SLCO2B1: variants seen among roughly 807,000 people sequenced by gnomAD.
SLCO2B1 encodes solute carrier organic anion transporter family member 2B1, also known as OATP-RP2.
A neutral mutation model predicts 67.3 loss-of-function variants in SLCO2B1; 41 were observed. That is an observed-to-expected ratio of 0.61 (90% CI 0.47 to 0.79). SLCO2B1 has a LOEUF of 0.79. Ranked by LOEUF, SLCO2B1 falls within the 30% of genes least tolerant of loss-of-function variation. The probability of loss-of-function intolerance (pLI) is 0.00; values close to 1 mark genes in which losing one functional copy is unlikely to be tolerated. For synonymous variants in SLCO2B1, 379 were observed against 381.4 expected (o/e 0.99, Z 0.07); for missense variants, 837 against 920.1 (o/e 0.91, Z 1.17).
intron 13 of SLCO2B1, chr11:75,204,193 G>A (rs1591841556): frequency 3.9e-6 from 2 of 507,760 alleles, no homozygotes; most frequent in East Asian, 3.3e-5. Context: ...GCAGAGTCCA[G>A]GACAGGGCGA....
chr11:75,167,832 G>A lies in SLCO2B1; in HGVS notation c.449-1341G>A, dbSNP rs148705766. Among the ~76,000 whole-genome samples the A allele has an allele frequency of 2.6e-3, 395 of 151,844 alleles. 2 individuals carry two copies. The highest frequency in any genetic ancestry group is 9.0e-3 in the African/African-American group (372 of 41,414). On this transcript the variant is annotated intron_variant, in intron 4 of 13. Transcript: ENST00000289575. ...CCCAGGTAGCCCTGCCTTAGCTGCT[G>A]TTCTGAACTGCCGAATTCTTCCACT...
At chr11:75,175,467 T>G (rs888415315) in intron 7 of SLCO2B1, among the ~76,000 whole-genome samples, 1 of 152,044 alleles carries the variant, frequency 6.6e-6, no homozygotes, top group African/African-American at 2.4e-5. Context: ...AACTCTGAAA[T>G]CTCACCAGGC....
chr11:75,172,136 C>A (rs1022381753), intron 6 of SLCO2B1, among the ~76,000 whole-genome samples: 2 of 152,176 alleles, frequency 1.3e-5, no homozygotes, highest in Non-Finnish European at 2.9e-5. Flanking sequence ...CAGTCCGCCT[C>A]TAGAGTCCAT....
intron 1 of SLCO2B1, among the ~76,000 whole-genome samples, chr11:75,154,942 A>G (rs887824451): frequency 1.3e-5 from 2 of 152,174 alleles, no homozygotes; most frequent in African/African-American, 4.8e-5. Context: ...ATAGCTGCCT[A>G]TCTCTGAGCC....
intron 11 of SLCO2B1, chr11:75,202,573 G>T (rs986803118): frequency 7.1e-5 from 23 of 322,588 alleles, no homozygotes; most frequent in Non-Finnish European, 1.3e-4. Context: ...CCAGCTCCAG[G>T]TCTTGCCAAC....
intron 8 of SLCO2B1, among the ~76,000 whole-genome samples, chr11:75,190,700 G>A (rs957232903): frequency 2.0e-5 from 3 of 152,180 alleles, no homozygotes; most frequent in Admixed American, 6.5e-5. Context: ...TGAGTTAAGG[G>A]AAGCCCCTAC....
At chr11:75,161,484 C>T (rs1193637578) in intron 1 of SLCO2B1, among the ~76,000 whole-genome samples, 2 of 152,182 alleles carry the variant, frequency 1.3e-5, no homozygotes, top group East Asian at 3.8e-4. Context: ...TCCCAGGTAC[C>T]TTGTAAGAGG....
chr11:75,159,747 C>G, intron 1 of SLCO2B1: 1 of 684,632 alleles, frequency 1.5e-6, no homozygotes, highest in Non-Finnish European at 1.8e-6. Context: ...CCTCCCCTGC[C>G]CAGAGGCACA....
intron 3 of SLCO2B1, 82 bp from the exon 4 acceptor site, chr11:75,165,705 G>A: frequency 7.0e-7 from 1 of 1,424,066 alleles, no homozygotes; most frequent in Non-Finnish European, 9.7e-7. Flanking sequence ...GCATACGGAA[G>A]TTAGACATAG....
At chr11:75,191,010 T>G (rs919800920) in intron 8 of SLCO2B1, among the ~76,000 whole-genome samples, 5 of 152,178 alleles carry the variant, frequency 3.3e-5, no homozygotes, top group African/African-American at 1.2e-4. Flanking sequence ...TCCGGTGCCA[T>G]GCTGTGGATG....
chr11:75,204,085 G>A (rs1002771731), intron 13 of SLCO2B1: 10 of 222,660 alleles, frequency 4.5e-5, no homozygotes, highest in East Asian at 9.8e-5. Flanking sequence ...GAGGGAATCC[G>A]TTTGTTCTTG....
chr11:75,198,845 G>C (rs1448553051), intron 10 of SLCO2B1, among the ~76,000 whole-genome samples: 1 of 152,200 alleles, frequency 6.6e-6, no homozygotes, highest in Non-Finnish European at 1.5e-5. Context: ...GTGGGCGCCT[G>C]AACAGGTGTG....
At chr11:75,172,956 C>T (rs529320430) in intron 7 of SLCO2B1, among the ~76,000 whole-genome samples, 22 of 152,186 alleles carry the variant, frequency 1.4e-4, no homozygotes, top group African/African-American at 5.3e-4. Flanking sequence ...CACTGCATCC[C>T]CACTGGGCAC....
At chr11:75,174,100 C>T (rs1949997215) in intron 7 of SLCO2B1, among the ~76,000 whole-genome samples, 2 of 152,156 alleles carry the variant, frequency 1.3e-5, no homozygotes, top group South Asian at 2.1e-4. Flanking sequence ...CCGTGCCAGG[C>T]CTAAAAGTTT....
intron 8 of SLCO2B1, among the ~76,000 whole-genome samples, chr11:75,191,760 C>T (rs1945026303): frequency 6.6e-6 from 1 of 152,216 alleles, no homozygotes; most frequent in African/African-American, 2.4e-5. Context: ...TATTTGACTT[C>T]AGTCTTGCCT....
chr11:75,154,634 C>A (rs1180737865), intron 1 of SLCO2B1, among the ~76,000 whole-genome samples: 2 of 152,244 alleles, frequency 1.3e-5, no homozygotes, highest in Non-Finnish European at 2.9e-5. Context: ...CAGAGCCCTT[C>A]CTGGCCTCCT....
intron 8 of SLCO2B1, among the ~76,000 whole-genome samples, chr11:75,189,953 C>A (rs1944993542): frequency 6.8e-6 from 1 of 146,700 alleles, no homozygotes; most frequent in African/African-American, 2.6e-5. Flanking sequence ...CTGAGAGAAA[C>A]CCTGTCTGGA....
intron 4 of SLCO2B1, among the ~76,000 whole-genome samples, chr11:75,166,686 A>C (rs1453588499): frequency 2.0e-5 from 3 of 152,102 alleles, no homozygotes; most frequent in Non-Finnish European, 4.4e-5. Flanking sequence ...GACACGCAAC[A>C]AACTCTTAAT....
chr11:75,156,576 C>A (rs1949749075), intron 1 of SLCO2B1, among the ~76,000 whole-genome samples: 1 of 152,090 alleles, frequency 6.6e-6, no homozygotes, highest in Non-Finnish European at 1.5e-5. Context: ...GCATCTGCTG[C>A]TGATGTTACC....
Sources: allele counts gnomAD v4.1 joint callset (sites outside exome capture counted in the v4.1 genomes callset), GRCh38; gene constraint gnomAD v4.1.1; transcripts MANE v1.5; gene names NCBI Gene and HGNC (gene_info 2026-07-23, HGNC 2026-07-21).